Variants in RASSF3 observed in about 807,000 individuals in gnomAD.
The protein encoded by RASSF3 is Ras association domain family member 3.
Under a neutral mutation model 19.9 loss-of-function variants are expected in RASSF3, and 19 were observed. The ratio of observed to expected loss-of-function variants is 0.96; its 90% CI spans 0.67 to 1.40. RASSF3 has a LOEUF of 1.40. Among genes scored for constraint, RASSF3 ranks in the 40% most tolerant of loss-of-function variants. The pLI, the probability that RASSF3 is intolerant of heterozygous loss-of-function variation, is 0.00. For missense variants in RASSF3, 306 were observed against 289.8 expected (o/e 1.06, Z -0.41); for synonymous variants, 110 against 104.2 (o/e 1.06, Z -0.34).
Position 64,591,198 on chromosome 12 carries a change from C to T in RASSF3, c.294+49493C>T, listed in dbSNP as rs568813451. On this transcript the variant is annotated intron_variant, in intron 2 of 5. Transcript: ENST00000637125. ...CTCTTATTATAGAAGTCAACCTGGC[C>T]GGGCGCAGTGGCTCACACCTGTAAT... Among the ~76,000 whole-genome samples the T allele has an allele frequency of 2.0e-4, 30 of 152,170 alleles. No homozygotes were observed. The East Asian group carries it at 4.5e-3, about 23-fold the overall frequency.
At chr12:64,536,099 C>T (rs1417753493) in intron 1 of RASSF3, among the ~76,000 whole-genome samples, 2 of 149,942 alleles carry the variant, frequency 1.3e-5, no homozygotes, top group South Asian at 2.1e-4. Flanking sequence ...CCTGGGTTCA[C>T]GCCATTCCCC....
At chr12:64,569,650 C>G (rs964815439) in intron 2 of RASSF3, among the ~76,000 whole-genome samples, 1 of 152,170 alleles carries the variant, frequency 6.6e-6, no homozygotes, top group African/African-American at 2.4e-5. Context: ...ATTCCTAGGT[C>G]TTTTCAAGTA....
At chr12:64,579,709 CTAATAT>C (rs2136134452) in intron 2 of RASSF3, among the ~76,000 whole-genome samples, 2 of 151,370 alleles carry the variant, frequency 1.3e-5, no homozygotes, top group South Asian at 4.2e-4. Flanking sequence ...TTTGTGTTGT[CTAATAT>C]TAAAATATTT....
intron 1 of RASSF3, among the ~76,000 whole-genome samples, chr12:64,675,044 A>ATCCCCCCCCCC (rs1592462290): frequency 1.6e-5 from 1 of 63,178 alleles, no homozygotes. Context: ...ATACCCACCT[A>ATCCCCCCCCCC]GCCCCCCCCC....
intron 2 of RASSF3, among the ~76,000 whole-genome samples, chr12:64,571,955 G>GAGGA (rs960304729): frequency 6.6e-6 from 1 of 152,148 alleles, no homozygotes; most frequent in African/African-American, 2.4e-5. Flanking sequence ...CTGATAGCTG[G>GAGGA]AGGACAAAGG....
intron 1 of RASSF3, among the ~76,000 whole-genome samples, chr12:64,509,815 C>T (rs1004771379): frequency 2.0e-5 from 3 of 152,060 alleles, no homozygotes; most frequent in African/African-American, 7.2e-5. Context: ...AGGCCAAGCT[C>T]AGTGGCTCAT....
rs529708714 is a variant in RASSF3, at chr12:64,555,068, AC to A, written c.294+13367del. Among the ~76,000 whole-genome samples the A allele has an allele frequency of 3.1e-3, 473 of 152,088 alleles. 5 individuals are homozygous for A. Among genetic ancestry groups the A allele is most frequent in the African/African-American group, 0.011 (458 of 41,482 alleles). On this transcript the variant is annotated intron_variant, in intron 2 of 5. Coordinates refer to the RASSF3 transcript ENST00000637125. Reference sequence around the variant, plus strand: ...AGACCAGCCTGGCCAACATGGTGAAACCCCGTCTTTACTAAAAATACAAAAA... The same window carrying A: ...AGACCAGCCTGGCCAACATGGTGAAACCCGTCTTTACTAAAAATACAAAAA...
At chr12:64,510,108 T>A (rs989871289) in intron 1 of RASSF3, among the ~76,000 whole-genome samples, 41 of 150,586 alleles carry the variant, frequency 2.7e-4, no homozygotes, top group Admixed American at 1.9e-3. Flanking sequence ...AAAAAAAAAA[T>A]TTCTGTTGAA....
intron 1 of RASSF3, chr12:64,654,888 A>G (rs1355273977): frequency 1.3e-5 from 2 of 151,884 alleles, no homozygotes; most frequent in African/African-American, 4.9e-5. Flanking sequence ...AAAATAAAAT[A>G]CAATGTAAAA....
chr12:64,661,474 C>A (rs1426917292), intron 1 of RASSF3, among the ~76,000 whole-genome samples: 1 of 151,744 alleles, frequency 6.6e-6, no homozygotes, highest in Non-Finnish European at 1.5e-5. Context: ...CAAAGTGAGA[C>A]CCTGTCTCTA....
intron 1 of RASSF3, among the ~76,000 whole-genome samples, chr12:64,540,183 C>T (rs530414595): frequency 6.6e-6 from 1 of 152,174 alleles, no homozygotes; most frequent in Non-Finnish European, 1.5e-5. Flanking sequence ...AAGTTTACAA[C>T]TGAAGCCAAT....
chr12:64,519,631 A>AAT (rs781416330), intron 1 of RASSF3, among the ~76,000 whole-genome samples: 23 of 151,660 alleles, frequency 1.5e-4, no homozygotes, highest in Middle Eastern at 3.4e-3. Flanking sequence ...AATCTAAGTG[A>AAT]ATATATATAT....
Position 64,694,777 on chromosome 12 carries a change from C to G in RASSF3, c.582C>G (p.Ser194Arg). 6.2e-7 allele frequency: 1 copy of G among 1,614,150 alleles called. No individual in the cohort carries two copies. Among genetic ancestry groups the G allele is most frequent in the Non-Finnish European group, 8.5e-7 (1 of 1,179,976 alleles). ...TTTCCTGACAGTGGGAAGCCTTCAG[C>G]CTTCCAGAACTACAGAATTTCTTGC... ...EHEIGEWEAF[S>R]LPELQNFLRI... Residue 194 changes from serine (S) to arginine (R), a missense_variant, in exon 5 of 5, where the codon AGC (serine) becomes AGG (arginine). Transcript: ENST00000542104.
At chr12:64,549,828 A>G (rs1012622998) in intron 2 of RASSF3, among the ~76,000 whole-genome samples, 3 of 152,192 alleles carry the variant, frequency 2.0e-5, no homozygotes, top group African/African-American at 7.2e-5. Context: ...TCAAAGAAAA[A>G]CAATAAATAT....
intron 1 of RASSF3, among the ~76,000 whole-genome samples, chr12:64,517,621 C>CTT (rs58706283): frequency 6.9e-6 from 1 of 143,954 alleles, no homozygotes; most frequent in Admixed American, 7.0e-5. Context: ...TACACACACA[C>CTT]TTTTTTTTTT....
chr12:64,641,957 G>A (rs1018031588), intron 1 of RASSF3, among the ~76,000 whole-genome samples: 8 of 151,942 alleles, frequency 5.3e-5, no homozygotes, highest in Admixed American at 6.6e-5. Context: ...GGTCAGGCTG[G>A]TCTCGAACTC....
chr12:64,625,845 T>C (rs1045084613), intron 1 of RASSF3, among the ~76,000 whole-genome samples: 2 of 152,132 alleles, frequency 1.3e-5, no homozygotes, highest in African/African-American at 4.8e-5. Context: ...TATGCTCCAG[T>C]GCAGGCATTA....
At chr12:64,686,150 T>G (rs1873342573) in intron 2 of RASSF3, among the ~76,000 whole-genome samples, 1 of 151,662 alleles carries the variant, frequency 6.6e-6, no homozygotes, top group African/African-American at 2.4e-5. Flanking sequence ...TTCAAACACA[T>G]TTTTTCATCA....
At chr12:64,656,628 G>T (rs1872169437) in intron 1 of RASSF3, among the ~76,000 whole-genome samples, 1 of 152,162 alleles carries the variant, frequency 6.6e-6, no homozygotes. Context: ...ACTTTGTGCA[G>T]TGAAAGTTGT....
Sources: gnomAD v4.1 joint callset for allele counts (sites outside exome capture counted in the v4.1 genomes callset) on GRCh38, gnomAD v4.1.1 for gene constraint, MANE v1.5 for transcripts, NCBI Gene and HGNC (gene_info 2026-07-23, HGNC 2026-07-21) for gene names.